The following DYSF variants were observed in gnomAD, a reference collection of about 807,000 sequenced individuals.
DYSF encodes the protein dysferlin.
A neutral mutation model predicts 274.9 loss-of-function variants in DYSF; 212 were observed. The ratio of observed to expected loss-of-function variants is 0.77; its 90% CI spans 0.69 to 0.86. The LOEUF (loss-of-function observed/expected upper bound fraction) is 0.86, where lower values mean the gene tolerates loss of function less well. Among genes scored for constraint, DYSF ranks in the 40% least tolerant of loss-of-function variants. DYSF has a pLI of 0.00. For missense variants in DYSF, 2,666 were observed against 2,783.2 expected (o/e 0.96, Z 0.95); for synonymous variants, 1,091 against 1,078.7 (o/e 1.01, Z -0.22).
chr2:71,480,098 G>T (rs899484730), intron 1 of DYSF, among the ~76,000 whole-genome samples: 3 of 152,002 alleles, frequency 2.0e-5, no homozygotes, highest in South Asian at 2.1e-4. Context: ...CCTTCTCTTA[G>T]CCCCTGGAAA....
chr2:71,680,583 A>C (rs1303131983), intron 53 of DYSF, among the ~76,000 whole-genome samples: 1 of 152,270 alleles, frequency 6.6e-6, no homozygotes, highest in Non-Finnish European at 1.5e-5. Flanking sequence ...TAAGTAGTTT[A>C]CTAAATAATT....
intron 17 of DYSF, among the ~76,000 whole-genome samples, chr2:71,548,853 T>C (rs1462352717): frequency 2.0e-5 from 3 of 152,158 alleles, no homozygotes; most frequent in Non-Finnish European, 4.4e-5. Context: ...CCTTGAAATG[T>C]CCCTGCTCGG....
intron 26 of DYSF, among the ~76,000 whole-genome samples, chr2:71,569,120 C>T (rs1250079147): frequency 3.9e-5 from 6 of 152,118 alleles, no homozygotes; most frequent in South Asian, 2.1e-4. Flanking sequence ...GTGATCCACC[C>T]GCCTCGGCCT....
At chr2:71,674,101 T>A in intron 51 of DYSF, 96 bp from the exon 52 acceptor site, 1 of 1,093,526 alleles carries the variant, frequency 9.1e-7, no homozygotes, top group Non-Finnish European at 1.4e-6. Context: ...ATCCTACTCC[T>A]CTGCCTCCTC....
intron 30 of DYSF, among the ~76,000 whole-genome samples, chr2:71,583,703 A>G (rs1201291687): frequency 6.6e-6 from 1 of 152,224 alleles, no homozygotes; most frequent in African/African-American, 2.4e-5. Context: ...CCCGTGGTGC[A>G]GAAGGAATCT....
intron 41 of DYSF, among the ~76,000 whole-genome samples, chr2:71,628,439 A>G (rs1313510928): frequency 6.7e-6 from 1 of 149,294 alleles, no homozygotes; most frequent in Non-Finnish European, 1.5e-5. Context: ...AATATCCGTC[A>G]TCTTTTTCCT....
chr2:71,570,444 C>T (rs974565767), intron 28 of DYSF, 110 bp downstream of exon 28: 44 of 1,419,834 alleles, frequency 3.1e-5, no homozygotes, highest in Admixed American at 2.8e-4. Context: ...CACCCAGGGA[C>T]GCTTCTTGAA....
At chr2:71,579,965 C>T (rs1463958463) in intron 30 of DYSF, among the ~76,000 whole-genome samples, 2 of 152,208 alleles carry the variant, frequency 1.3e-5, no homozygotes, top group African/African-American at 2.4e-5. Context: ...CAGCACAGCA[C>T]GAGTCAGTGC....
chr2:71,637,575 G>C (rs1481982083), intron 41 of DYSF, among the ~76,000 whole-genome samples: 1 of 152,132 alleles, frequency 6.6e-6, no homozygotes. Flanking sequence ...GGCGGCACTG[G>C]GGCTCCTTGA....
chr2:71,506,139 C>T (rs2085448274), intron 4 of DYSF, among the ~76,000 whole-genome samples: 1 of 152,102 alleles, frequency 6.6e-6, no homozygotes, highest in African/African-American at 2.4e-5. Flanking sequence ...GTGGGCTGGT[C>T]TGGGTTTTGG....
At chr2:71,604,359 C>T (rs1464297086) in intron 36 of DYSF, among the ~76,000 whole-genome samples, 1 of 151,716 alleles carries the variant, frequency 6.6e-6, no homozygotes, top group Non-Finnish European at 1.5e-5. Context: ...AGTAGGACCG[C>T]AGCAGGGTGT....
At chr2:71,658,179 G>A (rs2094808758) in intron 43 of DYSF, among the ~76,000 whole-genome samples, 1 of 152,184 alleles carries the variant, frequency 6.6e-6, no homozygotes. Context: ...CTAGGGCAGA[G>A]GCAAGATGCC....
chr2:71,553,321 TC>T, intron 20 of DYSF, 133 bp downstream of exon 20: 1 of 1,303,294 alleles, frequency 7.7e-7, no homozygotes, highest in Non-Finnish European at 1.1e-6. Flanking sequence ...GCAAACCTGT[TC>T]CAGCTGTCCC....
intron 40 of DYSF, among the ~76,000 whole-genome samples, chr2:71,613,714 G>C (rs1331840449): frequency 6.6e-6 from 1 of 152,130 alleles, no homozygotes; most frequent in Non-Finnish European, 1.5e-5. Flanking sequence ...CAGAAAATCA[G>C]GGTGAGGAGC....
At chr2:71,577,315 CCA>C in intron 30 of DYSF, among the ~76,000 whole-genome samples, 1 of 151,694 alleles carries the variant, frequency 6.6e-6, no homozygotes, top group African/African-American at 2.4e-5. Flanking sequence ...AACACACACA[CCA>C]ACACAGTCTC....
chr2:71,516,095 G>A, intron 8 of DYSF, 85 bp from the exon 9 acceptor site: 1 of 1,340,774 alleles, frequency 7.5e-7, no homozygotes, highest in Non-Finnish European at 1.1e-6. Flanking sequence ...GCTAGGCGTG[G>A]AGGCTTGGGG....
chr2:71,674,434 G>A (rs918106272), intron 52 of DYSF, 138 bp downstream of exon 52: 1 of 800,834 alleles, frequency 1.2e-6, no homozygotes, highest in Non-Finnish European at 2.1e-6. Context: ...GGGAGCTCAG[G>A]GTCATGTGTC....
chr2:71,563,840 C>T (rs879488520), intron 23 of DYSF, among the ~76,000 whole-genome samples: 4 of 152,300 alleles, frequency 2.6e-5, no homozygotes, highest in Middle Eastern at 3.4e-3. Context: ...CTGGGGGCAG[C>T]CTTATGCTCT....
chr2:71,497,354 C>T (rs1275294843), intron 3 of DYSF, among the ~76,000 whole-genome samples: 2 of 152,106 alleles, frequency 1.3e-5, no homozygotes, highest in Non-Finnish European at 2.9e-5. Flanking sequence ...TCTCATAATC[C>T]CCATGTGCTG....
Sources: gnomAD v4.1 joint callset for allele counts (sites outside exome capture counted in the v4.1 genomes callset) on GRCh38, gnomAD v4.1.1 for gene constraint, MANE v1.5 for transcripts, NCBI Gene and HGNC (gene_info 2026-07-23, HGNC 2026-07-21) for gene names.